SUMF1: variants seen among roughly 807,000 people sequenced by gnomAD.
SUMF1 encodes the protein formylglycine-generating enzyme.
In SUMF1, 48 loss-of-function variants were observed where a neutral mutation model predicts 47.6. The ratio of observed to expected loss-of-function variants is 1.01; its 90% CI spans 0.80 to 1.28. The LOEUF is 1.28. Ranked by LOEUF, SUMF1 falls within the 50% of genes most tolerant of loss-of-function variation. The pLI is 0.00. For missense variants in SUMF1, 571 were observed against 485.4 expected (o/e 1.18, Z -1.66); for synonymous variants, 230 against 192.1 (o/e 1.20, Z -1.63).
chr3:4,160,850 G>A (rs868339083), intron 8 of SUMF1, among the ~76,000 whole-genome samples: 1 of 152,008 alleles, frequency 6.6e-6, no homozygotes, highest in Non-Finnish European at 1.5e-5. Context: ...GTTTGGTGAG[G>A]TCATGTTTTC....
chr3:4,376,507 G>T, intron 7 of SUMF1, 118 bp from the exon 8 acceptor site: 1 of 1,008,590 alleles, frequency 9.9e-7, no homozygotes, highest in Non-Finnish European at 1.6e-6. Context: ...CTCTCCACAT[G>T]CATTTCCACC....
chr3:4,455,325 G>A (rs567352506), intron 1 of SUMF1, among the ~76,000 whole-genome samples: 85 of 152,188 alleles, frequency 5.6e-4, no homozygotes, highest in Non-Finnish European at 9.6e-4. Context: ...TGAAAAAAAT[G>A]AATAAATTCC....
Position 4,453,011 on chromosome 3 carries a change from T to G in SUMF1, c.309A>C (p.Thr103=). The change falls in exon 2 of 9, where the codon ACA becomes ACC. Residue 103 remains threonine (T), a synonymous_variant. Coordinates refer to ENST00000272902, the MANE Select transcript of SUMF1 (RefSeq NM_182760.4). ...CATCCTGCTTTATCTGAGGATCATC[T>G]GTGCCCATTGTAAATACTCCAGCAG... ...PIPAGVFTMG[T]DDPQIKQDGE... 6.2e-7 allele frequency: 1 copy of G among 1,614,048 alleles called. No homozygotes were observed. Among genetic ancestry groups the G allele is most frequent in the Non-Finnish European group, 8.5e-7 (1 of 1,180,024 alleles).
intron 8 of SUMF1, among the ~76,000 whole-genome samples, chr3:4,142,094 A>G (rs1694084404): frequency 6.6e-6 from 1 of 152,188 alleles, no homozygotes; most frequent in South Asian, 2.1e-4. Context: ...ATGTATAGCA[A>G]AATTTGGGGG....
At chr3:4,283,699 A>T (rs368146068) in intron 8 of SUMF1, among the ~76,000 whole-genome samples, 27 of 152,202 alleles carry the variant, frequency 1.8e-4, no homozygotes, top group African/African-American at 6.3e-4. Context: ...GTTATTCACC[A>T]GAAAGGGATT....
At chr3:4,151,423 G>GTATATATGTATA (rs1559514116) in intron 8 of SUMF1, among the ~76,000 whole-genome samples, 1 of 144,710 alleles carries the variant, frequency 6.9e-6, no homozygotes, top group African/African-American at 2.6e-5. Context: ...GTATATATGT[G>GTATATATGTATA]TATACATGTG....
chr3:4,195,242 G>T (rs1013017018), intron 8 of SUMF1, among the ~76,000 whole-genome samples: 6 of 152,092 alleles, frequency 3.9e-5, no homozygotes, highest in Admixed American at 2.6e-4. Context: ...TGTGTCTAAT[G>T]ACCTAGATTC....
At chr3:4,142,692 G>A (rs1172515202) in intron 8 of SUMF1, among the ~76,000 whole-genome samples, 1 of 151,930 alleles carries the variant, frequency 6.6e-6, no homozygotes, top group Non-Finnish European at 1.5e-5. Context: ...TTAGATCAGA[G>A]GTTCTTAAAA....
chr3:4,292,281 A>C (rs1382697686), intron 8 of SUMF1, among the ~76,000 whole-genome samples: 1 of 152,240 alleles, frequency 6.6e-6, no homozygotes, highest in African/African-American at 2.4e-5. Flanking sequence ...CATAGGCTAA[A>C]ACGAATAGCA....
chr3:4,139,446 T>A (rs1189416600), intron 8 of SUMF1, among the ~76,000 whole-genome samples: 1 of 151,956 alleles, frequency 6.6e-6, no homozygotes, highest in African/African-American at 2.4e-5. Flanking sequence ...TAAAGAGTCA[T>A]GTATATTTTA....
rs115324589 is a variant in SUMF1, at chr3:4,333,904, G to A, written c.1014+42426C>T. 3.8e-4 allele frequency among the ~76,000 whole-genome samples: 57 copies of A among 151,960 alleles called. 3 individuals carry two copies. The South Asian group carries it at 0.012, about 32-fold the overall frequency. On this transcript the variant is annotated intron_variant and NMD_transcript_variant, in intron 8 of 12. Coordinates refer to the SUMF1 transcript ENST00000448413. ...GCACTTTTAGAGGCTGGGGTGGGGG[G>A]ACTGCTTGAGACCAGAAGTTTAGAA...
At position 4,332,708 on chromosome 3, in the gene SUMF1, T is replaced by C. The variant is rs947398679; in HGVS notation, c.1014+43622A>G. Among the ~76,000 whole-genome samples, 4 of 152,290 alleles carry C rather than the reference T, an allele frequency of 2.6e-5. 1 individual carries two copies. Among genetic ancestry groups the C allele is most frequent in the South Asian group, 4.1e-4 (2 of 4,828 alleles). ...TTTCTTAATTAGATTACTGGCTTCA[T>C]GGTGATACAGACAGAAGACAGGGAA... On this transcript the variant is annotated intron_variant and NMD_transcript_variant, in intron 8 of 12. Transcript: ENST00000448413.
intron 8 of SUMF1, among the ~76,000 whole-genome samples, chr3:4,351,606 C>T (rs928149037): frequency 1.3e-5 from 2 of 152,132 alleles, no homozygotes; most frequent in Non-Finnish European, 2.9e-5. Flanking sequence ...GTGTTCCATG[C>T]ACCCAAGCCT....
chr3:4,446,730 A>G (rs1702793978), intron 3 of SUMF1, among the ~76,000 whole-genome samples: 2 of 152,220 alleles, frequency 1.3e-5, no homozygotes, highest in African/African-American at 2.4e-5. Flanking sequence ...GACAGAGAGA[A>G]CAGATGAACT....
At chr3:4,151,554 TATACACAC>T (rs1325935051) in intron 8 of SUMF1, among the ~76,000 whole-genome samples, 5 of 98,242 alleles carry the variant, frequency 5.1e-5, no homozygotes, top group African/African-American at 1.3e-4. Flanking sequence ...TGTGTGTGTA[TATACACAC>T]ACACACACAC....
At chr3:4,433,583 C>T (rs972268504) in intron 3 of SUMF1, among the ~76,000 whole-genome samples, 1 of 152,238 alleles carries the variant, frequency 6.6e-6, no homozygotes, top group Non-Finnish European at 1.5e-5. Flanking sequence ...GTGAACCCAC[C>T]TTCACCCTGT....
At chr3:4,093,929 G>A (rs1381949375) in intron 8 of SUMF1, among the ~76,000 whole-genome samples, 2 of 152,132 alleles carry the variant, frequency 1.3e-5, no homozygotes, top group South Asian at 4.2e-4. Context: ...TCTATATTAG[G>A]TAGATTAGGC....
At chr3:4,243,354 AG>A (rs1394398756) in intron 8 of SUMF1, among the ~76,000 whole-genome samples, 1 of 152,082 alleles carries the variant, frequency 6.6e-6, no homozygotes, top group Non-Finnish European at 1.5e-5. Context: ...TTGTAGTGTT[AG>A]GCTGTCGATT....
rs185431806 is a variant in SUMF1 at position 4,131,321 on chromosome 3, C to T, written c.1015-62576G>A. Among the ~76,000 whole-genome samples the T allele has an allele frequency of 1.1e-4, 16 of 152,236 alleles. No individual in the cohort carries two copies. The East Asian group carries it at 2.9e-3, about 28-fold the overall frequency. ...TGCCCATGGTCTCCATTTCTGCCAC[C>T]CTGCCTGCTCTTCCCCAGCCTGCAC... On this transcript the variant is annotated intron_variant and NMD_transcript_variant, in intron 8 of 12. Coordinates refer to the SUMF1 transcript ENST00000448413.
Sources: allele counts gnomAD v4.1 joint callset (sites outside exome capture counted in the v4.1 genomes callset), GRCh38; gene constraint gnomAD v4.1.1; transcripts MANE v1.5; gene names NCBI Gene and HGNC (gene_info 2026-07-23, HGNC 2026-07-21).